The following TIAM1 variants were observed in gnomAD, a reference collection of about 807,000 sequenced individuals.
The protein encoded by TIAM1 is TIAM Rac1 associated GEF 1.
A neutral mutation model predicts 163.5 loss-of-function variants in TIAM1; 65 were observed. The observed-to-expected ratio is 0.40, with a 90% CI of 0.33 to 0.49. The LOEUF (loss-of-function observed/expected upper bound fraction) is 0.49. Ranked by LOEUF, TIAM1 falls within the 20% of genes least tolerant of loss-of-function variation. The probability of loss-of-function intolerance (pLI) is 0.77; values close to 1 mark genes in which losing one functional copy is unlikely to be tolerated. For missense variants in TIAM1, 1,789 were observed against 2,044.7 expected, an observed-to-expected ratio of 0.87 and a Z score of 2.41; for synonymous variants, 833 against 810.1, an observed-to-expected ratio of 1.03 and a Z score of -0.48.
chr21:31,339,729 G>A (rs898187036), intron 1 of TIAM1, among the ~76,000 whole-genome samples: 25 of 152,136 alleles, frequency 1.6e-4, no homozygotes, highest in Non-Finnish European at 1.2e-4. Flanking sequence ...ACTAGAGGAA[G>A]CTCTACGATT....
intron 4 of TIAM1, among the ~76,000 whole-genome samples, chr21:31,258,824 A>C (rs867655387): frequency 1.5e-4 from 23 of 152,230 alleles, no homozygotes; most frequent in Middle Eastern, 3.4e-3. Flanking sequence ...AAAAAAAAAA[A>C]AAAAACCAGA....
intron 2 of TIAM1, among the ~76,000 whole-genome samples, chr21:31,453,510 A>G (rs2044955988): frequency 6.6e-6 from 1 of 152,008 alleles, no homozygotes; most frequent in Non-Finnish European, 1.5e-5. Context: ...CCTGACCAAC[A>G]TGGCGAAACT....
At chr21:31,248,538 G>A (rs948418241) in intron 5 of TIAM1, among the ~76,000 whole-genome samples, 79 of 152,154 alleles carry the variant, frequency 5.2e-4, no homozygotes, top group Admixed American at 1.3e-3. Context: ...ACACTCCAGA[G>A]ACTAATTCCA....
At position 31,533,108 on chromosome 21, in the gene TIAM1, G is replaced by A. The variant is rs186472891; in HGVS notation, c.-422+25819C>T. ...GGCTGAGGTGGGCAGGTCACTTGAGGCCAAGAGTTCAAGGCCAGCCTGGCC... is the reference window on the plus strand; with the variant it reads ...GGCTGAGGTGGGCAGGTCACTTGAGACCAAGAGTTCAAGGCCAGCCTGGCC... On this transcript the variant is annotated intron_variant, in intron 1 of 28. Transcript: ENST00000286827. Among the ~76,000 whole-genome samples, 17 of 152,030 alleles carry A rather than the reference G, an allele frequency of 1.1e-4. No individual in the cohort carries two copies. The East Asian group carries it at 2.9e-3, about 26-fold the overall frequency.
chr21:31,194,859 A>G (rs1481015847), intron 13 of TIAM1, among the ~76,000 whole-genome samples: 1 of 152,170 alleles, frequency 6.6e-6, no homozygotes, highest in Non-Finnish European at 1.5e-5. Context: ...GCCCAGAGGG[A>G]GCTCTCATTC....
rs1601747597 is a variant in TIAM1 at position 31,262,853 on chromosome 21, A to C, written c.963+3157T>G. Among the ~76,000 whole-genome samples the C allele has an allele frequency of 3.9e-5, 6 of 152,336 alleles. No individual in the cohort carries two copies. The Middle Eastern group carries it at 0.02, about 518-fold the overall frequency. ...TGACAGGATGATCACAGATTCAACT[A>C]CATCATCAGGGCAGCCAAGGAGACT... On this transcript the variant is annotated intron_variant, in intron 4 of 27. Coordinates refer to ENST00000541036, the MANE Select transcript of TIAM1 (RefSeq NM_001353694.2).
chr21:31,472,147 T>C (rs2045766544), intron 1 of TIAM1, among the ~76,000 whole-genome samples: 1 of 152,164 alleles, frequency 6.6e-6, no homozygotes, highest in Admixed American at 6.5e-5. Flanking sequence ...CTCTGTGACT[T>C]AGTTTCCTCA....
At chr21:31,303,482 C>T (rs960304478) in intron 2 of TIAM1, among the ~76,000 whole-genome samples, 89 of 152,038 alleles carry the variant, frequency 5.9e-4, no homozygotes, top group African/African-American at 1.7e-3. Flanking sequence ...ATTGATGGCA[C>T]CCCATTAGGA....
At chr21:31,125,476 C>CG (rs2082161732) in intron 26 of TIAM1, among the ~76,000 whole-genome samples, 1 of 152,222 alleles carries the variant, frequency 6.6e-6, no homozygotes, top group South Asian at 2.1e-4. Context: ...GACAGCTTCC[C>CG]GGGGATCTGC....
At chr21:31,551,199 G>A (rs745751833) in intron 1 of TIAM1, among the ~76,000 whole-genome samples, 12 of 152,014 alleles carry the variant, frequency 7.9e-5, no homozygotes, top group South Asian at 2.1e-4. Flanking sequence ...GGGCAACAGA[G>A]TGAGACTCCA....
At position 31,195,235 on chromosome 21, in the gene TIAM1, G is replaced by A; in HGVS notation, c.2564C>T (p.Ala855Val). Residue 855 changes from alanine (A) to valine (V), a missense_variant, in exon 13 of 28, where the codon GCT (alanine) becomes GTT (valine). Physicochemically the swap from Ala to Val is moderately conservative, Grantham distance 64. Coordinates refer to ENST00000541036, the MANE Select transcript of TIAM1 (RefSeq NM_001353694.2). ...SIHIEKSDTA[A>V]DTYGFSLSSV... ...AAAAATAAACTTACCGTAAGTATCA[G>A]CAGCTGTATCTGACTTCTCAATGTG... The A allele has an allele frequency of 6.2e-7, 1 of 1,611,874 alleles. No individual in the cohort carries two copies. Among genetic ancestry groups the A allele is most frequent in the Non-Finnish European group, 8.5e-7 (1 of 1,178,264 alleles).
chr21:31,537,202 T>C (rs901512875), intron 1 of TIAM1, among the ~76,000 whole-genome samples: 1 of 152,182 alleles, frequency 6.6e-6, no homozygotes. Flanking sequence ...GCAAAGACCC[T>C]ATGTCCAAAG....
intron 1 of TIAM1, among the ~76,000 whole-genome samples, chr21:31,471,751 C>T (rs375302679): frequency 6.6e-6 from 1 of 152,206 alleles, no homozygotes; most frequent in African/African-American, 2.4e-5. Context: ...TGCCTGTAAT[C>T]CCAGCTGCTC....
chr21:31,218,894 T>C (rs1345204981), intron 8 of TIAM1, among the ~76,000 whole-genome samples: 1 of 152,092 alleles, frequency 6.6e-6, no homozygotes, highest in Non-Finnish European at 1.5e-5. Flanking sequence ...TGAAGGCACC[T>C]TACCAGACTT....
chr21:31,203,719 T>C (rs1297911221), intron 11 of TIAM1, among the ~76,000 whole-genome samples: 4 of 152,368 alleles, frequency 2.6e-5, no homozygotes, highest in African/African-American at 7.2e-5. Flanking sequence ...AAGAAAATAC[T>C]GTATTTACAA....
chr21:31,154,110 T>C (rs551529986), intron 17 of TIAM1, 137 bp downstream of exon 17: 6 of 972,930 alleles, frequency 6.2e-6, no homozygotes, highest in Admixed American at 2.8e-5. Flanking sequence ...ATTCAGAGTA[T>C]AGGCAAAATT....
At chr21:31,557,210 A>G (rs2048909540) in intron 1 of TIAM1, among the ~76,000 whole-genome samples, 1 of 152,252 alleles carries the variant, frequency 6.6e-6, no homozygotes, top group African/African-American at 2.4e-5. Flanking sequence ...AATTAAACCT[A>G]AGGCCAAGTA....
At chr21:31,323,786 G>A (rs759992984) in intron 2 of TIAM1, among the ~76,000 whole-genome samples, 8 of 152,194 alleles carry the variant, frequency 5.3e-5, no homozygotes, top group Middle Eastern at 3.4e-3. Flanking sequence ...AGCCGGGATC[G>A]CGCCATTGCA....
chr21:31,289,853 C>A (rs2073947641), intron 2 of TIAM1, among the ~76,000 whole-genome samples: 1 of 152,154 alleles, frequency 6.6e-6, no homozygotes. Context: ...AGTATGACAG[C>A]AACAGGCTTT....
Sources: gnomAD v4.1 joint callset for allele counts (sites outside exome capture counted in the v4.1 genomes callset) on GRCh38, gnomAD v4.1.1 for gene constraint, MANE v1.5 for transcripts, NCBI Gene and HGNC (gene_info 2026-07-23, HGNC 2026-07-21) for gene names.